Variants in SUN5 observed in about 807,000 individuals in gnomAD.
SUN5 encodes Sad1 and UNC84 domain containing 5.
In SUN5, 44 loss-of-function variants were observed where a neutral mutation model predicts 53.7. The ratio of observed to expected loss-of-function variants is 0.82; its 90% CI spans 0.64 to 1.05. The LOEUF is 1.05. SUN5 is among the 50% of genes least tolerant of loss of function. SUN5 has a pLI of 0.00. For synonymous variants in SUN5, 166 were observed against 179.8 expected, an observed-to-expected ratio of 0.92 and a Z score of 0.62; for missense variants, 433 against 483.8, an observed-to-expected ratio of 0.90 and a Z score of 0.98.
At chr20:32,989,382 T>A (rs1989644168) in intron 9 of SUN5, among the ~76,000 whole-genome samples, 1 of 152,084 alleles carries the variant, frequency 6.6e-6, no homozygotes, top group Admixed American at 6.5e-5. Context: ...TCTTCTATAA[T>A]GTTGAGGGCC....
chr20:32,986,538 G>T (rs1367698135), intron 10 of SUN5, among the ~76,000 whole-genome samples: 2 of 152,188 alleles, frequency 1.3e-5, no homozygotes, highest in African/African-American at 2.4e-5. Context: ...TAGCCCAGGG[G>T]TGCAGGGGGC....
intron 1 of SUN5, 100 bp from the exon 2 acceptor site, chr20:33,003,019 GAGA>G (rs1167287972): frequency 7.2e-6 from 10 of 1,398,386 alleles, no homozygotes; most frequent in African/African-American, 2.8e-5. Flanking sequence ...CTGAGGTACA[GAGA>G]AGGTTTCCCA....
intron 9 of SUN5, among the ~76,000 whole-genome samples, chr20:32,988,652 G>A (rs1221909946): frequency 2.6e-5 from 4 of 152,006 alleles, no homozygotes; most frequent in East Asian, 3.9e-4. Flanking sequence ...GCAGTGGCGC[G>A]ATCCTGGCTC....
At chr20:33,002,745 T>G (rs1209693966) in intron 2 of SUN5, 84 bp from the exon 3 acceptor site, 3 of 1,600,484 alleles carry the variant, frequency 1.9e-6, no homozygotes, top group Non-Finnish European at 1.7e-6. Context: ...CAGAGCTTGG[T>G]GCGAACATCC....
chr20:32,995,558 G>A, intron 8 of SUN5, 61 bp downstream of exon 8: 4 of 1,445,838 alleles, frequency 2.8e-6, no homozygotes, highest in Non-Finnish European at 3.9e-6. Flanking sequence ...TTGAGGTATA[G>A]GAAACAGGAC....
At chr20:33,001,177 T>TC (rs1989996266) in intron 4 of SUN5, 35 bp downstream of exon 4, 1 of 1,555,908 alleles carries the variant, frequency 6.4e-7, no homozygotes, top group Non-Finnish European at 8.7e-7. Flanking sequence ...CATTTCCCAC[T>TC]CCCCATCCAC....
intron 2 of SUN5, 49 bp from the exon 3 acceptor site, chr20:33,002,710 T>C: frequency 1.2e-6 from 2 of 1,610,470 alleles, no homozygotes; most frequent in South Asian, 2.2e-5. Flanking sequence ...CTTGATTTGG[T>C]GCTTGCAGAG....
chr20:32,989,643 G>A lies in SUN5; in HGVS notation c.590C>T (p.Pro197Leu), dbSNP rs1345901869. ...KMIHGDYIEK[P>L]DFALKSIGAS... is the part of the protein sequence containing the mutation. Reference sequence around the variant, plus strand: ...ACCTATAGACTTCAGGGCAAAGTCTGGCTTTTCGATGTAATCTCCGTGTAT... The same window carrying A: ...ACCTATAGACTTCAGGGCAAAGTCTAGCTTTTCGATGTAATCTCCGTGTAT... The change falls in exon 9 of 13, where the codon CCA (proline) becomes CTA (leucine). Residue 197 changes from proline to leucine, a missense_variant. Physicochemically the swap from Pro to Leu is moderately conservative, Grantham distance 98 (BLOSUM62 -3). Coordinates refer to ENST00000356173, the MANE Select transcript of SUN5 (RefSeq NM_080675.4). The A allele has an allele frequency of 6.2e-7, 1 of 1,614,000 alleles. No homozygotes were observed. The highest frequency in any genetic ancestry group is 1.7e-5 in the Admixed American group (1 of 60,004).
Position 33,000,581 on chromosome 20 carries a change from G to A in SUN5, c.279-446C>T, listed in dbSNP as rs140306445. 3.0e-3 allele frequency among the ~76,000 whole-genome samples: 464 copies of A among 152,286 alleles called. 1 individual carries two copies. The highest frequency in any genetic ancestry group is 6.8e-3 in the Middle Eastern group (2 of 294). On this transcript the variant is annotated intron_variant, in intron 4 of 12. Transcript: ENST00000356173. ...GAACAGCATGTGCTGGGCTGGGTGC[G>A]GTGGCTCATGCCTGTAATCCCAGCA...
intron 8 of SUN5, 110 bp from the exon 9 acceptor site, chr20:32,989,808 C>A: frequency 3.4e-6 from 3 of 869,574 alleles, no homozygotes; most frequent in Non-Finnish European, 5.6e-6. Context: ...CTCTCCCTAA[C>A]AGCCCACCCC....
At chr20:32,985,239 G>T in intron 11 of SUN5, 54 bp from the exon 12 acceptor site, 1 of 1,550,870 alleles carries the variant, frequency 6.4e-7, no homozygotes, top group South Asian at 1.1e-5. Flanking sequence ...GCCCTCAGAG[G>T]GTGTCTCCCC....
rs778836870 is a variant in SUN5 at position 32,997,695 on chromosome 20, G to C, written c.341-8C>G. 6.2e-7 allele frequency: 1 copy of C among 1,613,902 alleles called. No homozygotes were observed. The highest frequency in any genetic ancestry group is 1.1e-5 in the South Asian group (1 of 91,066). On this transcript the variant is annotated splice_region_variant and splice_polypyrimidine_tract_variant and intron_variant, in intron 5 of 12. Coordinates refer to ENST00000356173, the MANE Select transcript of SUN5 (RefSeq NM_080675.4). ...TAGAAAACATCCAGAATCCTGTGAGGCCATGAGAATAAGAATGAGCCATTT... is the reference window on the plus strand; with the variant it reads ...TAGAAAACATCCAGAATCCTGTGAGCCCATGAGAATAAGAATGAGCCATTT...
intron 5 of SUN5, among the ~76,000 whole-genome samples, chr20:32,999,684 A>G (rs1219036217): frequency 6.6e-6 from 1 of 152,002 alleles, no homozygotes; most frequent in Non-Finnish European, 1.5e-5. Flanking sequence ...TCCCATGGGG[A>G]GCTGATTCTC....
intron 8 of SUN5, among the ~76,000 whole-genome samples, chr20:32,994,846 C>A (rs894225711): frequency 6.7e-6 from 1 of 150,296 alleles, no homozygotes; most frequent in African/African-American, 2.4e-5. Context: ...GCTGCCTGGG[C>A]GACAGAGGGA....
rs151243035 is a variant in SUN5 at position 32,983,844 on chromosome 20, C to T, written c.1090G>A (p.Ala364Thr). Residue 364 changes from alanine to threonine, a missense_variant, in exon 13 of 13, where the codon GCC becomes ACC. Physicochemically the swap from Ala to Thr is moderately conservative, Grantham distance 58 (BLOSUM62 0). Transcript: ENST00000356173. ...TGGTGAGGCTGCTCTCTGGGCGGGG[C>T]CACAGAGCCATGCACTCGCACGCGG... ...LYRVRVHGSV[A>T]PPREQPHQNP... is the part of the protein sequence containing the mutation. 2.3e-5 allele frequency: 36 copies of T among 1,590,940 alleles called. No individual in the cohort carries two copies. In the South Asian group the frequency reaches 3.9e-4, roughly 17 times the overall value.
chr20:32,995,133 A>T lies in SUN5; in HGVS notation c.534+486T>A, dbSNP rs551869059. ...ATGGAAAGAAGAAATATTTTAAGAG[A>T]TAAAAGGTAAAAGTTTCCCAAAACT... On this transcript the variant is annotated intron_variant, in intron 8 of 12. Coordinates refer to ENST00000356173, the MANE Select transcript of SUN5 (RefSeq NM_080675.4). Among the ~76,000 whole-genome samples, 26 of 152,370 alleles carry T rather than the reference A, an allele frequency of 1.7e-4. 1 individual carries two copies. Among genetic ancestry groups the T allele is most frequent in the African/African-American group, 6.3e-4 (26 of 41,586 alleles).
chr20:32,988,974 G>A (rs1166247403), intron 9 of SUN5, among the ~76,000 whole-genome samples: 1 of 151,686 alleles, frequency 6.6e-6, no homozygotes, highest in East Asian at 1.9e-4. Context: ...CGCCCAGGCT[G>A]GAGTGCTGTG....
Position 32,985,995 on chromosome 20 carries a change from G to A in SUN5, c.730-92C>T, listed in dbSNP as rs1025992054. The stretch of plus-strand genomic sequence containing the variant: ...CTGTACTTCCTGGGACCTCCTGGGT[G>A]AGCCAGTCCTTTCTTGTCTCCAAAG... On this transcript the variant is annotated intron_variant, in intron 10 of 12. Transcript: ENST00000356173. 7.8e-6 allele frequency: 11 copies of A among 1,410,378 alleles called. No individual in the cohort carries two copies. The East Asian group carries it at 2.1e-4, about 27-fold the overall frequency. 87.4% of individuals were successfully genotyped at this position (1,410,378 alleles called of 1,614,324 possible). A position where few individuals can be genotyped will look rare whatever the true frequency, so the allele number is the denominator to read the frequency against.
intron 10 of SUN5, among the ~76,000 whole-genome samples, chr20:32,987,162 A>G (rs893243101): frequency 7.9e-5 from 12 of 152,184 alleles, no homozygotes; most frequent in Non-Finnish European, 1.6e-4. Flanking sequence ...TCTGTGAGGC[A>G]GGATCCTGGA....
Sources: allele counts gnomAD v4.1 joint callset (sites outside exome capture counted in the v4.1 genomes callset), GRCh38; gene constraint gnomAD v4.1.1; transcripts MANE v1.5; gene names NCBI Gene and HGNC (gene_info 2026-07-23, HGNC 2026-07-21).